The following AGBL1 variants were observed in gnomAD, a reference collection of about 807,000 sequenced individuals.
The protein encoded by AGBL1 is AGBL carboxypeptidase 1, also known as cytosolic carboxypeptidase 4.
In AGBL1, 130 loss-of-function variants were observed where a neutral mutation model predicts 118.9. The ratio of observed to expected loss-of-function variants is 1.09; its 90% CI spans 0.95 to 1.26. The LOEUF (loss-of-function observed/expected upper bound fraction) is 1.26, where lower values mean the gene tolerates loss of function less well. AGBL1 is among the 50% of genes most tolerant of loss of function. The pLI, the probability that AGBL1 is intolerant of heterozygous loss-of-function variation, is 0.00. For synonymous variants in AGBL1, 555 were observed against 478.9 expected (o/e 1.16, Z -2.08); for missense variants, 1,584 against 1,298.1 (o/e 1.22, Z -3.38).
chr15:86,223,448 A>G (rs763885718), intron 5 of AGBL1, among the ~76,000 whole-genome samples: 1 of 152,136 alleles, frequency 6.6e-6, no homozygotes, highest in Admixed American at 6.5e-5. Flanking sequence ...CAGGCCCCAT[A>G]TACTATGGCA....
intron 5 of AGBL1, among the ~76,000 whole-genome samples, chr15:86,223,769 C>A (rs1490497615): frequency 2.6e-5 from 4 of 152,120 alleles, no homozygotes; most frequent in African/African-American, 4.8e-5. Flanking sequence ...TTATGGGGAG[C>A]AATGCTTTCA....
intron 21 of AGBL1, among the ~76,000 whole-genome samples, chr15:86,659,593 C>G (rs2085509190): frequency 6.6e-6 from 1 of 152,100 alleles, no homozygotes; most frequent in Non-Finnish European, 1.5e-5. Context: ...CTTTCATTGA[C>G]AATACATCCC....
In AGBL1 at chr15:86,925,724, T is replaced by C. The variant is rs562139507; in HGVS notation, c.3222-62263T>C. On this transcript the variant is annotated intron_variant, in intron 23 of 24. Transcript: ENST00000441037. The stretch of plus-strand genomic sequence containing the variant: ...TTTTCTTTTTCTTTTTCTTTTCTTT[T>C]TTTTTTTTTTTATTTTTTATTTTTG... 4.3e-5 allele frequency among the ~76,000 whole-genome samples: 6 copies of C among 138,376 alleles called. No individual in the cohort carries two copies. In the South Asian group the frequency reaches 1.4e-3, roughly 31 times the overall value. The allele number at this position is 138,376 out of a possible 152,430, so 90.8% of individuals were successfully genotyped here.
intron 18 of AGBL1, among the ~76,000 whole-genome samples, chr15:86,474,868 G>A (rs916542700): frequency 3.9e-5 from 6 of 152,238 alleles, no homozygotes; most frequent in African/African-American, 1.4e-4. Context: ...GTACCCCTCT[G>A]AGACGAAGCT....
chr15:86,940,097 C>T (rs1050045742), intron 23 of AGBL1, among the ~76,000 whole-genome samples: 15 of 89,784 alleles, frequency 1.7e-4, no homozygotes, highest in South Asian at 4.3e-4. Flanking sequence ...TTGGTAGAGA[C>T]GGGGTTTCTC....
At chr15:86,230,962 C>A (rs904556861) in intron 6 of AGBL1, among the ~76,000 whole-genome samples, 2 of 152,138 alleles carry the variant, frequency 1.3e-5, no homozygotes, top group African/African-American at 2.4e-5. Flanking sequence ...CTCCCCCATC[C>A]CCCTTATTTT....
At chr15:87,017,947 A>T (rs895020287) in intron 24 of AGBL1, among the ~76,000 whole-genome samples, 2 of 152,220 alleles carry the variant, frequency 1.3e-5, no homozygotes, top group African/African-American at 4.8e-5. Flanking sequence ...TTTCGAGATG[A>T]ACATAACCAA....
In AGBL1 at chr15:86,880,899, G is replaced by A. The variant is rs545397399; in HGVS notation, c.3159-26188G>A. On this transcript the variant is annotated intron_variant, in intron 22 of 22. Coordinates refer to ENST00000614907, the MANE Select transcript of AGBL1 (RefSeq NM_001386094.1). ...TGTTACAGCCTCCGTGGTTCTTACT[G>A]TAGATTCCCATTGAACTGACCGCCT... Among the ~76,000 whole-genome samples the A allele has an allele frequency of 1.1e-4, 17 of 152,230 alleles. No individual in the cohort carries two copies. In the South Asian group the frequency reaches 3.5e-3, roughly 32 times the overall value.
At chr15:86,623,931 C>T (rs149587443) in intron 21 of AGBL1, among the ~76,000 whole-genome samples, 6 of 152,320 alleles carry the variant, frequency 3.9e-5, no homozygotes, top group Admixed American at 1.3e-4. Flanking sequence ...TCATTCTAGT[C>T]TGACACTGCT....
intron 22 of AGBL1, among the ~76,000 whole-genome samples, chr15:86,794,608 TTATAA>T (rs1044787778): frequency 2.0e-5 from 3 of 152,106 alleles, no homozygotes; most frequent in African/African-American, 7.2e-5. Context: ...GTGGAGAACT[TTATAA>T]TATGTGAATT....
intron 21 of AGBL1, among the ~76,000 whole-genome samples, chr15:86,629,700 G>A (rs1288041233): frequency 6.6e-6 from 1 of 151,980 alleles, no homozygotes; most frequent in African/African-American, 2.4e-5. Context: ...GCTCATTTCT[G>A]AATAAATCTA....
intron 1 of AGBL1, among the ~76,000 whole-genome samples, chr15:86,110,971 C>A (rs2141539322): frequency 6.6e-6 from 1 of 152,254 alleles, no homozygotes; most frequent in African/African-American, 2.4e-5. Flanking sequence ...AGTATTGCTA[C>A]AATTACTAAT....
At chr15:86,574,383 T>C (rs2084052685) in intron 21 of AGBL1, among the ~76,000 whole-genome samples, 1 of 152,094 alleles carries the variant, frequency 6.6e-6, no homozygotes, top group South Asian at 2.1e-4. Flanking sequence ...CTTTGCTCTC[T>C]AGTAGCAGCA....
chr15:86,294,866 A>T (rs1419314297), intron 16 of AGBL1, among the ~76,000 whole-genome samples: 1 of 152,194 alleles, frequency 6.6e-6, no homozygotes. Flanking sequence ...AATGACGTAC[A>T]TTGTAGCCAT....
intron 21 of AGBL1, among the ~76,000 whole-genome samples, chr15:86,639,366 T>C (rs1001784986): frequency 6.6e-6 from 1 of 152,190 alleles, no homozygotes; most frequent in Non-Finnish European, 1.5e-5. Flanking sequence ...CCTTCACTTC[T>C]ACATGGAAGC....
chr15:86,637,647 A>G (rs2085118750), intron 21 of AGBL1, among the ~76,000 whole-genome samples: 1 of 152,184 alleles, frequency 6.6e-6, no homozygotes, highest in African/African-American at 2.4e-5. Flanking sequence ...ATCCCAGGGA[A>G]AGATGGTGGC....
chr15:86,792,900 G>C (rs544108485), intron 22 of AGBL1, among the ~76,000 whole-genome samples: 5 of 152,188 alleles, frequency 3.3e-5, no homozygotes, highest in African/African-American at 9.6e-5. Context: ...CAAAAATATA[G>C]ATATTTGTCT....
chr15:86,891,255 A>T (rs145878817), intron 22 of AGBL1, among the ~76,000 whole-genome samples: 1 of 152,066 alleles, frequency 6.6e-6, no homozygotes, highest in Admixed American at 6.6e-5. Context: ...ACTTTGCTGA[A>T]ATTTCTTATC....
chr15:86,707,271 A>G (rs1244917654), intron 22 of AGBL1, among the ~76,000 whole-genome samples: 3 of 152,166 alleles, frequency 2.0e-5, no homozygotes, highest in Non-Finnish European at 4.4e-5. Context: ...GAATCCAAAA[A>G]TTGGAATAAA....
Sources: gnomAD v4.1 joint callset for allele counts (sites outside exome capture counted in the v4.1 genomes callset) on GRCh38, gnomAD v4.1.1 for gene constraint, MANE v1.5 for transcripts, NCBI Gene and HGNC (gene_info 2026-07-23, HGNC 2026-07-21) for gene names.